Variants in CRPPA observed in about 807,000 individuals in gnomAD.
CRPPA encodes the protein CDP-L-ribitol pyrophosphorylase A, also known as D-ribitol-5-phosphate cytidylyltransferase.
In CRPPA, 43 loss-of-function variants were observed where a neutral mutation model predicts 52.0. The ratio of observed to expected loss-of-function variants is 0.83; its 90% CI spans 0.65 to 1.07. The LOEUF is 1.07. CRPPA is among the 50% of genes least tolerant of loss of function. The probability of loss-of-function intolerance (pLI) is 0.00; values close to 1 mark genes in which losing one functional copy is unlikely to be tolerated. For missense variants in CRPPA, 629 were observed against 551.7 expected, an observed-to-expected ratio of 1.14 and a Z score of -1.40; for synonymous variants, 250 against 203.5, an observed-to-expected ratio of 1.23 and a Z score of -1.94.
chr7:16,217,189 C>T (rs760768883), intron 8 of CRPPA, among the ~76,000 whole-genome samples: 17 of 144,624 alleles, frequency 1.2e-4, no homozygotes, highest in Non-Finnish European at 2.5e-4. Flanking sequence ...ACACTGACAC[C>T]TCACACGGCA....
At chr7:16,307,348 A>G (rs1424866597) in intron 4 of CRPPA, among the ~76,000 whole-genome samples, 1 of 152,112 alleles carries the variant, frequency 6.6e-6, no homozygotes, top group African/African-American at 2.4e-5. Context: ...GCAGTATGAT[A>G]GTGCCATTAT....
intron 9 of CRPPA, among the ~76,000 whole-genome samples, chr7:16,191,762 C>T (rs1251341051): frequency 6.6e-6 from 1 of 152,086 alleles, no homozygotes; most frequent in Non-Finnish European, 1.5e-5. Flanking sequence ...TGACATCTTC[C>T]TAATGAGGCA....
At chr7:16,267,934 A>G (rs1783995425) in intron 6 of CRPPA, among the ~76,000 whole-genome samples, 1 of 152,156 alleles carries the variant, frequency 6.6e-6, no homozygotes, top group South Asian at 2.1e-4. Flanking sequence ...TTTAACATAT[A>G]CAGGAAGATG....
At chr7:16,171,034 G>A (rs1781173640) in intron 9 of CRPPA, among the ~76,000 whole-genome samples, 2 of 152,230 alleles carry the variant, frequency 1.3e-5, no homozygotes, top group South Asian at 4.1e-4. Context: ...TGCAGCAGCA[G>A]GCTGAAGGGC....
At chr7:16,282,976 C>G (rs543797395) in intron 5 of CRPPA, among the ~76,000 whole-genome samples, 1 of 152,140 alleles carries the variant, frequency 6.6e-6, no homozygotes, top group South Asian at 2.1e-4. Flanking sequence ...GGTTGCACAT[C>G]AGAATCAACA....
intron 6 of CRPPA, among the ~76,000 whole-genome samples, chr7:16,273,684 G>A (rs1383970917): frequency 6.6e-6 from 1 of 152,124 alleles, no homozygotes; most frequent in African/African-American, 2.4e-5. Flanking sequence ...AAGAGGGCTG[G>A]TGCAAAAGGT....
intron 8 of CRPPA, among the ~76,000 whole-genome samples, chr7:16,226,945 G>C (rs1199892918): frequency 6.6e-6 from 1 of 151,870 alleles, no homozygotes; most frequent in Non-Finnish European, 1.5e-5. Context: ...ACTATCTGCT[G>C]CCATAGTATC....
At chr7:16,388,458 G>A (rs905688674) in intron 2 of CRPPA, among the ~76,000 whole-genome samples, 1 of 152,140 alleles carries the variant, frequency 6.6e-6, no homozygotes, top group African/African-American at 2.4e-5. Context: ...CTAGACAAGT[G>A]TAATTTTTCA....
At chr7:16,363,395 A>G (rs1786508214) in intron 3 of CRPPA, among the ~76,000 whole-genome samples, 1 of 152,228 alleles carries the variant, frequency 6.6e-6, no homozygotes, top group African/African-American at 2.4e-5. Flanking sequence ...AGTCTGAAAC[A>G]TTGCAGCTAG....
rs548557205 is a variant in CRPPA, at chr7:16,112,436, A to C, written c.1252-20637T>G. On this transcript the variant is annotated intron_variant, in intron 9 of 9. Transcript: ENST00000407010. ...TATCATTTGGGTGCCTTACAAAATT[A>C]ATAAAAGAACAGCAAAAAAGAAGTC... 2.6e-5 allele frequency among the ~76,000 whole-genome samples: 4 copies of C among 152,328 alleles called. No individual in the cohort carries two copies. In the South Asian group the frequency reaches 8.3e-4, roughly 32 times the overall value.
chr7:16,114,237 ACT>A (rs1008829931), intron 9 of CRPPA, among the ~76,000 whole-genome samples: 2 of 151,708 alleles, frequency 1.3e-5, no homozygotes, highest in Non-Finnish European at 2.9e-5. Flanking sequence ...GCAAATGGAG[ACT>A]CTGAATACTT....
At chr7:16,101,931 T>G (rs1173291273) in intron 9 of CRPPA, among the ~76,000 whole-genome samples, 1 of 152,096 alleles carries the variant, frequency 6.6e-6, no homozygotes, top group Non-Finnish European at 1.5e-5. Flanking sequence ...ACCATTGAAT[T>G]TTTTCACAGA....
chr7:16,331,363 T>C (rs1315020226), intron 3 of CRPPA, among the ~76,000 whole-genome samples: 1 of 152,136 alleles, frequency 6.6e-6, no homozygotes, highest in Non-Finnish European at 1.5e-5. Flanking sequence ...GACTATGGAA[T>C]GCTTTCCCGC....
chr7:16,124,348 A>C (rs746107805), intron 9 of CRPPA, among the ~76,000 whole-genome samples: 39 of 152,058 alleles, frequency 2.6e-4, no homozygotes, highest in Non-Finnish European at 7.4e-5. Context: ...TTGAGAAGTG[A>C]CTTTCAGATT....
intron 8 of CRPPA, among the ~76,000 whole-genome samples, chr7:16,250,263 G>C (rs1380198796): frequency 2.0e-5 from 3 of 152,216 alleles, no homozygotes; most frequent in African/African-American, 7.2e-5. Context: ...GTACCTGAAA[G>C]TGACGGGGAG....
At chr7:16,131,642 G>C (rs928754112) in intron 9 of CRPPA, among the ~76,000 whole-genome samples, 2 of 152,128 alleles carry the variant, frequency 1.3e-5, no homozygotes, top group African/African-American at 4.8e-5. Flanking sequence ...GAGTGCAGTA[G>C]CACAATCTTG....
At chr7:16,244,184 G>C (rs1026830669) in intron 8 of CRPPA, among the ~76,000 whole-genome samples, 1 of 151,556 alleles carries the variant, frequency 6.6e-6, no homozygotes, top group Non-Finnish European at 1.5e-5. Flanking sequence ...TTCTGTAAGT[G>C]GATCTTAGAA....
chr7:16,278,092 A>T (rs1447030668), intron 6 of CRPPA, 37 bp downstream of exon 6: 1 of 1,089,186 alleles, frequency 9.2e-7, no homozygotes, highest in Non-Finnish European at 1.4e-6. Flanking sequence ...AGTTTTTGGC[A>T]ATCAAAGTTT....
intron 9 of CRPPA, among the ~76,000 whole-genome samples, chr7:16,168,810 T>C (rs1351338977): frequency 6.6e-6 from 1 of 152,158 alleles, no homozygotes; most frequent in African/African-American, 2.4e-5. Context: ...AAATGTATAC[T>C]ATATGGCTTT....
Sources: gnomAD v4.1 joint callset for allele counts (sites outside exome capture counted in the v4.1 genomes callset) on GRCh38, gnomAD v4.1.1 for gene constraint, MANE v1.5 for transcripts, NCBI Gene and HGNC (gene_info 2026-07-23, HGNC 2026-07-21) for gene names.